PTPRU: variants seen among roughly 807,000 people sequenced by gnomAD.
PTPRU encodes the protein receptor-type tyrosine-protein phosphatase U.
In PTPRU, 69 loss-of-function variants were observed where a neutral mutation model predicts 166.3. That is an observed-to-expected ratio of 0.41 (90% CI 0.34 to 0.51). PTPRU has a LOEUF of 0.51. Among genes scored for constraint, PTPRU ranks in the 20% least tolerant of loss-of-function variants. The pLI, the probability that PTPRU is intolerant of heterozygous loss-of-function variation, is 0.09. For synonymous variants in PTPRU, 793 were observed against 814.0 expected, an observed-to-expected ratio of 0.97 and a Z score of 0.44; for missense variants, 1,657 against 2,013.7, an observed-to-expected ratio of 0.82 and a Z score of 3.39.
intron 5 of PTPRU, 25 bp downstream of exon 5, chr1:29,259,589 T>TGGGGGGGGGGG: frequency 4.0e-6 from 1 of 250,432 alleles, no homozygotes; most frequent in East Asian, 9.9e-5. Flanking sequence ...TGATCTTGGC[T>TGGGGGGGGGGG]GGGGGCGGGG....
rs759503736 is a variant in PTPRU at position 29,302,041 on chromosome 1, C to T, written c.2477-1814C>T. Among the ~76,000 whole-genome samples the T allele has an allele frequency of 5.3e-5, 8 of 152,064 alleles. 1 individual carries two copies. Among genetic ancestry groups the T allele is most frequent in the East Asian group, 1.9e-4 (1 of 5,186 alleles). ...AAGGCAACGTTTTCATAGGTGATGACGGCTACGTGTGTGTTATTGCCCCTA... is the reference window on the plus strand; with the variant it reads ...AAGGCAACGTTTTCATAGGTGATGATGGCTACGTGTGTGTTATTGCCCCTA... On this transcript the variant is annotated intron_variant, in intron 15 of 29. Coordinates refer to ENST00000373779, the MANE Select transcript of PTPRU (RefSeq NM_133178.4).
At chr1:29,243,058 C>T (rs1017384054) in intron 1 of PTPRU, among the ~76,000 whole-genome samples, 1 of 151,938 alleles carries the variant, frequency 6.6e-6, no homozygotes, top group African/African-American at 2.4e-5. Flanking sequence ...CCACCACGCT[C>T]GGCTAATTTT....
chr1:29,316,907 C>A (rs1416471549), intron 24 of PTPRU, among the ~76,000 whole-genome samples: 1 of 152,108 alleles, frequency 6.6e-6, no homozygotes, highest in African/African-American at 2.4e-5. Flanking sequence ...TATCACATGG[C>A]TGAGATGGGA....
In PTPRU at chr1:29,325,909, G is replaced by T; in HGVS notation, c.*248G>T. ...CCCAGCCCCACCTCCATAGGGTCCT[G>T]CAGGCCTGTGCTGAGAGGCCTGGTG... On this transcript the variant is annotated 3_prime_UTR_variant, in exon 30 of 30. Coordinates refer to ENST00000373779, the MANE Select transcript of PTPRU (RefSeq NM_133178.4). The T allele has an allele frequency of 1.9e-6, 1 of 514,716 alleles. No homozygotes were observed. Among genetic ancestry groups the T allele is most frequent in the Non-Finnish European group, 3.4e-6 (1 of 296,980 alleles). 31.9% of individuals were successfully genotyped at this position (514,716 alleles called of 1,614,324 possible).
intron 12 of PTPRU, 99 bp downstream of exon 12, chr1:29,283,048 GCACTTCCCATAGCCC>G (rs1686163796): frequency 2.0e-6 from 3 of 1,501,884 alleles, no homozygotes; most frequent in African/African-American, 2.7e-5. Context: ...TCCAGGCCCG[GCACTTCCCATAGCCC>G]CACCTCCCAT....
intron 8 of PTPRU, among the ~76,000 whole-genome samples, chr1:29,278,232 G>C (rs1685906427): frequency 6.6e-6 from 1 of 152,086 alleles, no homozygotes; most frequent in Non-Finnish European, 1.5e-5. Flanking sequence ...GCTTTGTCTT[G>C]CTGCCGCACG....
In PTPRU at chr1:29,326,171, C is replaced by CG. The variant is rs1688400181; in HGVS notation, c.*510_*511insG. 9.5e-6 allele frequency: 3 copies of CG among 316,178 alleles called. No individual in the cohort carries two copies. The highest frequency in any genetic ancestry group is 9.9e-5 in the Admixed American group (2 of 20,142). 19.6% of individuals were successfully genotyped at this position (316,178 alleles called of 1,614,324 possible). On this transcript the variant is annotated 3_prime_UTR_variant, in exon 30 of 30. Transcript: ENST00000373779. ...GGTCCTGGGGAAGCAGGTCTCAATTCTGAATAGCCAGTGGGGCACACTGAC... is the reference window on the plus strand; with the variant it reads ...GGTCCTGGGGAAGCAGGTCTCAATTCGTGAATAGCCAGTGGGGCACACTGAC...
At chr1:29,325,387 T>C in intron 29 of PTPRU, 61 bp downstream of exon 29, 3 of 1,583,510 alleles carry the variant, frequency 1.9e-6, no homozygotes, top group Non-Finnish European at 2.6e-6. Flanking sequence ...CAGGCCAGGT[T>C]CCTTAGCACC....
chr1:29,277,792 C>T (rs971115876), intron 8 of PTPRU, among the ~76,000 whole-genome samples: 1 of 113,980 alleles, frequency 8.8e-6, no homozygotes, highest in African/African-American at 3.3e-5. Flanking sequence ...TCTGGCTTCA[C>T]AGTTGTCATT....
rs186564611 is a variant in PTPRU, at chr1:29,242,083, G to C, written c.73+5366G>C. 5.1e-4 allele frequency among the ~76,000 whole-genome samples: 77 copies of C among 152,112 alleles called. 2 individuals carry two copies. The South Asian group carries it at 9.8e-3, about 19-fold the overall frequency. On this transcript the variant is annotated intron_variant, in intron 1 of 29. Coordinates refer to ENST00000373779, the MANE Select transcript of PTPRU (RefSeq NM_133178.4). ...ATTTTTGTATTTTTAGTAGAGATGG[G>C]GTTTCACCATGTTGGCCAGGCTGGT...
chr1:29,305,533 C>A, intron 18 of PTPRU, 105 bp downstream of exon 18: 1 of 1,195,940 alleles, frequency 8.4e-7, no homozygotes, highest in Non-Finnish European at 1.2e-6. Context: ...GTTCAAATGG[C>A]TGAGTTCGGA....
At position 29,320,787 on chromosome 1, in the gene PTPRU, G is replaced by A. The variant is rs200774122; in HGVS notation, c.3790G>A (p.Val1264Ile). 1.5e-5 allele frequency: 24 copies of A among 1,603,644 alleles called. No individual in the cohort carries two copies. The highest frequency in any genetic ancestry group is 6.7e-5 in the East Asian group (3 of 44,482). Residue 1264 changes from valine (V) to isoleucine (I), a missense_variant, in exon 26 of 30, where the codon GTC becomes ATC. By Grantham distance (29) the Val-to-Ile change is conservative. Around this residue, in one of 3 missense-constraint regions of PTPRU, gnomAD observed 1,190 missense variants for 1,477.4 expected, o/e 0.81. Transcript: ENST00000373779. The surrounding 1 kb of genome is among the most constrained non-coding windows in gnomAD (Gnocchi z 5.2). ...CTACGATTACGGGTGCACCTCCATC[G>A]TCATGCTCAACCAGCTGAACCAGTC... is the stretch of plus-strand genomic sequence containing the variant. Reference protein sequence around the residue: ...LVYDYGCTSIVMLNQLNQSNS... With the variant: ...LVYDYGCTSIIMLNQLNQSNS...
chr1:29,264,798 C>T (rs1437364678), intron 7 of PTPRU, among the ~76,000 whole-genome samples: 1 of 152,122 alleles, frequency 6.6e-6, no homozygotes, highest in Admixed American at 6.5e-5. Context: ...GCGTGGCCAA[C>T]TTCGTTCTTT....
At chr1:29,252,557 C>T (rs573467681) in intron 1 of PTPRU, among the ~76,000 whole-genome samples, 4 of 152,214 alleles carry the variant, frequency 2.6e-5, no homozygotes, top group East Asian at 1.9e-4. Context: ...TGTGAGCCAC[C>T]GCGCCTGGCC....
intron 1 of PTPRU, among the ~76,000 whole-genome samples, chr1:29,243,226 C>T (rs1558542460): frequency 6.6e-6 from 1 of 152,290 alleles, no homozygotes; most frequent in Non-Finnish European, 1.5e-5. Context: ...GCTTCCACCA[C>T]CCTGTGGCTG....
chr1:29,246,036 A>T (rs1054492620), intron 1 of PTPRU, among the ~76,000 whole-genome samples: 2 of 152,232 alleles, frequency 1.3e-5, no homozygotes, highest in Admixed American at 1.3e-4. Flanking sequence ...ACTGCACTGC[A>T]CTATTGCATG....
chr1:29,255,580 G>A (rs1365033792), intron 2 of PTPRU, among the ~76,000 whole-genome samples, 174 bp downstream of exon 2: 1 of 152,270 alleles, frequency 6.6e-6, no homozygotes, highest in South Asian at 2.1e-4. Context: ...GTCTAATTGT[G>A]CATGTCAGCT....
At chr1:29,264,971 T>C (rs1685234371) in intron 7 of PTPRU, among the ~76,000 whole-genome samples, 1 of 152,268 alleles carries the variant, frequency 6.6e-6, no homozygotes, top group Admixed American at 6.5e-5. Context: ...TATTCCATGC[T>C]GTGGAAATGC....
intron 28 of PTPRU, 115 bp from the exon 29 acceptor site, chr1:29,325,068 TCTAGATTC>T: frequency 7.4e-7 from 1 of 1,352,794 alleles, no homozygotes; most frequent in African/African-American, 1.5e-5. Flanking sequence ...GCCCCACCCT[TCTAGATTC>T]CCTAGCTCCG....
Sources: allele counts gnomAD v4.1 joint callset (sites outside exome capture counted in the v4.1 genomes callset), GRCh38; gene constraint gnomAD v4.1.1; regional missense constraint gnomAD v4.1.1; non-coding constraint Gnocchi (gnomAD v3.1); transcripts MANE v1.5; gene names NCBI Gene and HGNC (gene_info 2026-07-23, HGNC 2026-07-21).